LEPR: variants seen among roughly 807,000 people sequenced by gnomAD.
The protein encoded by LEPR is OB receptor.
A neutral mutation model predicts 114.7 loss-of-function variants in LEPR; 56 were observed. The ratio of observed to expected loss-of-function variants is 0.49; its 90% CI spans 0.39 to 0.61. The LOEUF (loss-of-function observed/expected upper bound fraction) is 0.61, where lower values mean the gene tolerates loss of function less well. LEPR is among the 20% of genes least tolerant of loss of function. The probability of loss-of-function intolerance (pLI) is 0.00; values close to 1 mark genes in which losing one functional copy is unlikely to be tolerated. For missense variants in LEPR, 1,202 were observed against 1,352.9 expected, an observed-to-expected ratio of 0.89 and a Z score of 1.75; for synonymous variants, 443 against 461.4, an observed-to-expected ratio of 0.96 and a Z score of 0.51.
At chr1:65,427,733 C>G in intron 2 of LEPR, 1 of 371,064 alleles carries the variant, frequency 2.7e-6, no homozygotes, top group Non-Finnish European at 5.4e-6. Context: ...ATTACTGCTA[C>G]TACAAATAAG....
chr1:65,603,524 A>T (rs560460469), intron 10 of LEPR, among the ~76,000 whole-genome samples: 90 of 152,378 alleles, frequency 5.9e-4, no homozygotes, highest in Non-Finnish European at 9.8e-4. Context: ...TAAATATAGT[A>T]TTCAGAGCAA....
At position 65,547,179 on chromosome 1, in the gene LEPR, C is replaced by T. The variant is rs1444705426; in HGVS notation, c.-20-18367C>T. ...AGCCCACTTGATCATGGCGGATAAG[C>T]TTTTTGATGTGCTGCTGGATTCGGT... On this transcript the variant is annotated intron_variant, in intron 2 of 19. Transcript: ENST00000349533. 6.6e-5 allele frequency among the ~76,000 whole-genome samples: 10 copies of T among 151,874 alleles called. No individual in the cohort carries two copies. In the East Asian group the frequency reaches 1.5e-3, roughly 23 times the overall value.
chr1:65,516,935 G>A (rs1235816231), intron 2 of LEPR, among the ~76,000 whole-genome samples: 3 of 152,162 alleles, frequency 2.0e-5, no homozygotes, highest in African/African-American at 4.8e-5. Context: ...ACAAACCAGA[G>A]CAATTGTAGC....
At chr1:65,437,591 G>A (rs1171087562) in intron 2 of LEPR, among the ~76,000 whole-genome samples, 1 of 151,852 alleles carries the variant, frequency 6.6e-6, no homozygotes, top group Non-Finnish European at 1.5e-5. Flanking sequence ...GTTGCAGTGA[G>A]CCGAGATCGC....
At chr1:65,455,868 C>T (rs1570482697) in intron 2 of LEPR, among the ~76,000 whole-genome samples, 1 of 152,196 alleles carries the variant, frequency 6.6e-6, no homozygotes, top group Admixed American at 6.5e-5. Context: ...ATGGTGGGCG[C>T]CCCTCCCCCA....
At chr1:65,543,554 C>G (rs1651404726) in intron 2 of LEPR, among the ~76,000 whole-genome samples, 1 of 151,858 alleles carries the variant, frequency 6.6e-6, no homozygotes, top group Admixed American at 6.6e-5. Flanking sequence ...ATGCCTATGC[C>G]CTGAATGGTG....
intron 2 of LEPR, among the ~76,000 whole-genome samples, chr1:65,538,535 A>G (rs939664731): frequency 6.6e-6 from 1 of 152,162 alleles, no homozygotes; most frequent in Non-Finnish European, 1.5e-5. Context: ...TAAATTTTGT[A>G]AGCCATTACA....
At chr1:65,490,800 ATTT>A (rs1199362736) in intron 2 of LEPR, among the ~76,000 whole-genome samples, 1 of 152,090 alleles carries the variant, frequency 6.6e-6, no homozygotes, top group Non-Finnish European at 1.5e-5. Flanking sequence ...CAGTGCTTGT[ATTT>A]TGGTCTCCAC....
chr1:65,548,905 G>A lies in LEPR; in HGVS notation c.-20-16641G>A, dbSNP rs181999590. Among the ~76,000 whole-genome samples the A allele has an allele frequency of 6.6e-5, 10 of 152,256 alleles. No individual in the cohort carries two copies. In the East Asian group the frequency reaches 1.7e-3, roughly 26 times the overall value. On this transcript the variant is annotated intron_variant, in intron 2 of 19. Coordinates refer to ENST00000349533, the MANE Select transcript of LEPR (RefSeq NM_002303.6). ...GTTGATGCAGTTTCTTCCTAGCCTCGAAGGTCTTTACAATTTGGCATGATT... is the reference window on the plus strand; with the variant it reads ...GTTGATGCAGTTTCTTCCTAGCCTCAAAGGTCTTTACAATTTGGCATGATT...
chr1:65,581,145 C>T lies in LEPR; in HGVS notation c.494+8696C>T, dbSNP rs370390135. Among the ~76,000 whole-genome samples, 163 of 152,290 alleles carry T rather than the reference C, an allele frequency of 1.1e-3. 1 individual carries two copies. The highest frequency in any genetic ancestry group is 3.7e-3 in the African/African-American group (155 of 41,566). On this transcript the variant is annotated intron_variant, in intron 5 of 19. Transcript: ENST00000349533. Reference sequence around the variant, plus strand: ...TCAATATTCTTGTATTTTCACACCACTTTGTTCACCCCTTGTCATGGACAT... The same window carrying T: ...TCAATATTCTTGTATTTTCACACCATTTTGTTCACCCCTTGTCATGGACAT...
chr1:65,556,674 T>C (rs1225107737), intron 2 of LEPR, among the ~76,000 whole-genome samples: 1 of 152,118 alleles, frequency 6.6e-6, no homozygotes, highest in Non-Finnish European at 1.5e-5. Flanking sequence ...GGAGAATGCC[T>C]CTTTGAAGGT....
Position 65,608,850 on chromosome 1 carries a change from C to T in LEPR, c.1701C>T (p.Asn567=), listed in dbSNP as rs2228301. Residue 567 remains asparagine (N), a synonymous_variant, in exon 12 of 20, where the codon AAC becomes AAT. Coordinates refer to ENST00000349533, the MANE Select transcript of LEPR (RefSeq NM_002303.6). ...AAAAGCCAGTCTTTCCAGAGAATAA[C>T]CTTCAATTCCAGATTCGCTATGGTT... The part of the protein sequence containing the change: ...SWEKPVFPEN[N]LQFQIRYGLS... The T allele has an allele frequency of 1.2e-4, 201 of 1,613,590 alleles. 1 individual carries two copies. In the East Asian group the frequency reaches 4.4e-3, roughly 35 times the overall value.
chr1:65,431,869 T>G (rs1438700596), intron 2 of LEPR: 1 of 1,613,990 alleles, frequency 6.2e-7, no homozygotes, highest in Non-Finnish European at 8.5e-7. Context: ...AATTCAAGGG[T>G]TTTTCCTTAT....
intron 1 of LEPR, among the ~76,000 whole-genome samples, chr1:65,421,161 A>G: frequency 6.6e-6 from 1 of 152,184 alleles, no homozygotes; most frequent in East Asian, 1.9e-4. Context: ...TAGCATTGGG[A>G]AACTTAATCC....
chr1:65,459,566 A>T (rs1367015560), intron 2 of LEPR, among the ~76,000 whole-genome samples: 2 of 152,190 alleles, frequency 1.3e-5, no homozygotes, highest in Non-Finnish European at 2.9e-5. Flanking sequence ...CATCTTTCTA[A>T]TGCCCTCTAC....
intron 2 of LEPR, among the ~76,000 whole-genome samples, chr1:65,523,861 G>T (rs138248755): frequency 6.6e-6 from 1 of 152,156 alleles, no homozygotes; most frequent in East Asian, 1.9e-4. Flanking sequence ...TAAGAATCTC[G>T]AGATGAGACC....
At chr1:65,476,944 G>A (rs1421681868) in intron 2 of LEPR, among the ~76,000 whole-genome samples, 1 of 152,156 alleles carries the variant, frequency 6.6e-6, no homozygotes, top group Non-Finnish European at 1.5e-5. Context: ...AAATAAAGAT[G>A]CCAGAGTACA....
At chr1:65,526,491 G>T (rs1649982109) in intron 2 of LEPR, 2 of 900,286 alleles carry the variant, frequency 2.2e-6, no homozygotes, top group Non-Finnish European at 2.7e-6. Flanking sequence ...TCTAGAACTT[G>T]TGTTTGCAAA....
intron 2 of LEPR, among the ~76,000 whole-genome samples, chr1:65,449,732 T>C (rs1646757993): frequency 1.3e-5 from 2 of 151,906 alleles, no homozygotes; most frequent in African/African-American, 4.8e-5. Context: ...TTTTTTTCTA[T>C]TGATTTTCTG....
Sources: gnomAD v4.1 joint callset for allele counts (sites outside exome capture counted in the v4.1 genomes callset) on GRCh38, gnomAD v4.1.1 for gene constraint, MANE v1.5 for transcripts, NCBI Gene and HGNC (gene_info 2026-07-23, HGNC 2026-07-21) for gene names.